Variants in GRIA2 observed in about 807,000 individuals in gnomAD.
The protein encoded by GRIA2 is glutamate receptor 2.
A neutral mutation model predicts 97.3 loss-of-function variants in GRIA2; 14 were observed. The ratio of observed to expected loss-of-function variants is 0.14; its 90% CI spans 0.10 to 0.23. The LOEUF (loss-of-function observed/expected upper bound fraction) is 0.23, where lower values mean the gene tolerates loss of function less well. Among genes scored for constraint, GRIA2 ranks in the 10% least tolerant of loss-of-function variants. The pLI, the probability that GRIA2 is intolerant of heterozygous loss-of-function variation, is 1.00. For synonymous variants in GRIA2, 412 were observed against 387.8 expected, an observed-to-expected ratio of 1.06 and a Z score of -0.73; for missense variants, 558 against 1,069.8, an observed-to-expected ratio of 0.52 and a Z score of 6.67.
chr4:157,364,535 T>C lies in GRIA2; in HGVS notation c.*1104T>C, dbSNP rs1040826968. 1 of 152,120 alleles carries C rather than the reference T, an allele frequency of 6.6e-6. No homozygotes were observed. The highest frequency in any genetic ancestry group is 1.5e-5 in the Non-Finnish European group (1 of 67,820). The allele number at this position is 152,120 out of a possible 1,614,324, so 9.4% of individuals were successfully genotyped here. A position where few individuals can be genotyped will look rare whatever the true frequency, so the allele number is the denominator to read the frequency against. ...TTTGATCTATGTAGATAAATGCTAA[T>C]AGATTTAAAAAGCTAATATTAACAA... On this transcript the variant is annotated 3_prime_UTR_variant, in exon 16 of 16. Transcript: ENST00000264426.
At chr4:157,356,030 T>C (rs1736332082) in intron 12 of GRIA2, among the ~76,000 whole-genome samples, 1 of 109,376 alleles carries the variant, frequency 9.1e-6, no homozygotes, top group South Asian at 2.5e-4. Flanking sequence ...TTTATATATT[T>C]ATATTTATTT....
At chr4:157,295,826 G>A (rs528574349) in intron 2 of GRIA2, among the ~76,000 whole-genome samples, 2 of 152,050 alleles carry the variant, frequency 1.3e-5, no homozygotes, top group Non-Finnish European at 2.9e-5. Context: ...AACATTACAT[G>A]CACTATCTGT....
At chr4:157,334,367 G>A (rs904431934) in intron 9 of GRIA2, 9 of 371,636 alleles carry the variant, frequency 2.4e-5, no homozygotes, top group African/African-American at 1.6e-4. Context: ...TGCTTACATC[G>A]GTGAACAATT....
chr4:157,320,044 T>C (rs543867033), intron 5 of GRIA2, among the ~76,000 whole-genome samples: 20 of 152,228 alleles, frequency 1.3e-4, no homozygotes, highest in African/African-American at 4.3e-4. Flanking sequence ...TTACCTGATA[T>C]GTTTGAATAT....
At chr4:157,227,156 A>G (rs528229900) in intron 2 of GRIA2, among the ~76,000 whole-genome samples, 85 of 152,256 alleles carry the variant, frequency 5.6e-4, no homozygotes, top group Non-Finnish European at 9.1e-4. Context: ...TTCTTATGCT[A>G]TGCTATTTCT....
intron 6 of GRIA2, among the ~76,000 whole-genome samples, chr4:157,331,337 G>A (rs990777466): frequency 4.0e-5 from 6 of 151,678 alleles, no homozygotes; most frequent in African/African-American, 9.7e-5. Context: ...TTTGGTAGAC[G>A]GCTTTATAGC....
chr4:157,244,630 T>G (rs538076506), intron 2 of GRIA2, among the ~76,000 whole-genome samples: 1 of 152,200 alleles, frequency 6.6e-6, no homozygotes, highest in South Asian at 2.1e-4. Context: ...TTTGTTGTGT[T>G]GTGGATTGTC....
chr4:157,299,043 A>G (rs928707854), intron 2 of GRIA2, among the ~76,000 whole-genome samples: 1 of 152,028 alleles, frequency 6.6e-6, no homozygotes, highest in African/African-American at 2.4e-5. Flanking sequence ...AATTAGAGCG[A>G]CAGGAAAAGT....
rs575889823 is a variant in GRIA2 at position 157,345,697 on chromosome 4, G to A, written c.2043+4235G>A. 5.3e-5 allele frequency among the ~76,000 whole-genome samples: 8 copies of A among 152,206 alleles called. No homozygotes were observed. The East Asian group carries it at 1.4e-3, about 26-fold the overall frequency. ...CACAAAGCACAATTATTAACTTGCAGATAGGAAGTAACTCTTCATGCCTGT... is the reference window on the plus strand; with the variant it reads ...CACAAAGCACAATTATTAACTTGCAAATAGGAAGTAACTCTTCATGCCTGT... On this transcript the variant is annotated intron_variant, in intron 12 of 15. Transcript: ENST00000264426.
At chr4:157,222,054 C>T (rs1560997268) in intron 2 of GRIA2, among the ~76,000 whole-genome samples, 1 of 151,988 alleles carries the variant, frequency 6.6e-6, no homozygotes, top group African/African-American at 2.4e-5. Context: ...ATTAGGGAGC[C>T]GGGGTGAGGG....
chr4:157,220,953 T>C lies in GRIA2; in HGVS notation c.-90T>C, dbSNP rs1022502898. 62 of 747,922 alleles carry C rather than the reference T, an allele frequency of 8.3e-5. No individual in the cohort carries two copies. Among genetic ancestry groups the C allele is most frequent in the East Asian group, 2.0e-4 (8 of 40,670 alleles). 46.3% of individuals were successfully genotyped at this position (747,922 alleles called of 1,614,324 possible). Reference sequence around the variant, plus strand: ...AATTGCTGTCTCAAAATGCAGAGGATCTAATTTGCAGAGGAAAACAGCCAA... The same window carrying C: ...AATTGCTGTCTCAAAATGCAGAGGACCTAATTTGCAGAGGAAAACAGCCAA... On this transcript the variant is annotated 5_prime_UTR_variant, in exon 1 of 16. Coordinates refer to ENST00000264426, the MANE Select transcript of GRIA2 (RefSeq NM_001083619.3).
intron 2 of GRIA2, among the ~76,000 whole-genome samples, chr4:157,267,173 C>T (rs1731808762): frequency 6.6e-6 from 1 of 151,894 alleles, no homozygotes; most frequent in South Asian, 2.1e-4. Flanking sequence ...TGCCAGTAAT[C>T]CCAGCACTTT....
intron 12 of GRIA2, among the ~76,000 whole-genome samples, chr4:157,351,697 C>G (rs1236325269): frequency 6.6e-6 from 1 of 152,178 alleles, no homozygotes; most frequent in African/African-American, 2.4e-5. Context: ...GTGGAGGAAA[C>G]TGATTCATGG....
At chr4:157,315,527 GTTTGT>G (rs140239463) in intron 4 of GRIA2, among the ~76,000 whole-genome samples, 52,040 of 149,898 alleles carry the variant, frequency 0.35, 9,225 homozygotes, top group African/African-American at 0.39. Flanking sequence ...TTGTTTGTTT[GTTTGT>G]TTTGTTTTGT....
intron 2 of GRIA2, among the ~76,000 whole-genome samples, chr4:157,244,142 AG>A (rs1384879942): frequency 6.6e-6 from 1 of 151,924 alleles, no homozygotes; most frequent in Non-Finnish European, 1.5e-5. Context: ...TCCCTGGTAG[AG>A]GGAACTAAAT....
intron 2 of GRIA2, among the ~76,000 whole-genome samples, chr4:157,257,257 T>G (rs1731320488): frequency 6.6e-6 from 1 of 152,094 alleles, no homozygotes; most frequent in African/African-American, 2.4e-5. Flanking sequence ...TACTGTGCTG[T>G]GCCACTTTCA....
Position 157,365,591 on chromosome 4 carries a change from C to T in GRIA2, c.*2160C>T, listed in dbSNP as rs947483938. 1 of 151,838 alleles carries T rather than the reference C, an allele frequency of 6.6e-6. No homozygotes were observed. Among genetic ancestry groups the T allele is most frequent in the Non-Finnish European group, 1.5e-5 (1 of 67,554 alleles). The allele number at this position is 151,838 out of a possible 1,614,324, so 9.4% of individuals were successfully genotyped here. ...AATACATAATGTAAGAGTATTTCAA[C>T]TATGGATAATGTTGATTGGATAATG... On this transcript the variant is annotated 3_prime_UTR_variant, in exon 16 of 16. Coordinates refer to ENST00000264426, the MANE Select transcript of GRIA2 (RefSeq NM_001083619.3).
chr4:157,362,875 T>C lies in GRIA2; in HGVS notation c.2483T>C (p.Met828Thr). The change falls in exon 15 of 16, where the codon ATG becomes ACG. Residue 828 changes from methionine to threonine, a missense_variant. Around this residue, in one of 8 missense-constraint regions of GRIA2, gnomAD observed 54 missense variants for 82.1 expected, o/e 0.66. Coordinates refer to ENST00000264426, the MANE Select transcript of GRIA2 (RefSeq NM_001083619.3). ...YILVGGLGLA[M>T]LVALIEFCYK... ...CTTGTCGGGGGCCTTGGTTTGGCAATGCTGGTGGCTTTGATTGAGTTCTGT... is the reference window on the plus strand; with the variant it reads ...CTTGTCGGGGGCCTTGGTTTGGCAACGCTGGTGGCTTTGATTGAGTTCTGT... 1 of 1,613,570 alleles carries C rather than the reference T, an allele frequency of 6.2e-7. No homozygotes were observed.
At chr4:157,275,440 G>T (rs2126799136) in intron 2 of GRIA2, among the ~76,000 whole-genome samples, 1 of 152,184 alleles carries the variant, frequency 6.6e-6, no homozygotes, top group African/African-American at 2.4e-5. Flanking sequence ...TGAAGTCCTT[G>T]CCCATGCCTA....
Sources: gnomAD v4.1 joint callset for allele counts (sites outside exome capture counted in the v4.1 genomes callset) on GRCh38, gnomAD v4.1.1 for gene constraint, gnomAD v4.1.1 regional missense constraint, MANE v1.5 for transcripts, NCBI Gene and HGNC (gene_info 2026-07-23, HGNC 2026-07-21) for gene names.